The following TENM2 variants were observed in gnomAD, a reference collection of about 807,000 sequenced individuals.
TENM2 encodes the protein teneurin-2.
TENM2 carries 52 observed loss-of-function variants against 245.2 expected under a neutral mutation model. The observed-to-expected ratio is 0.21, with a 90% confidence interval of 0.17 to 0.27. The LOEUF is 0.27. TENM2 is among the 10% of genes least tolerant of loss of function. The pLI is 1.00. For missense variants in TENM2, 3,046 were observed against 3,666.8 expected (o/e 0.83, Z 4.37); for synonymous variants, 1,363 against 1,438.9 (o/e 0.95, Z 1.19).
chr5:168,262,621 G>A, exon 29 of TENM2: 1 of 1,593,116 alleles, frequency 6.3e-7, no homozygotes. Context: ...CCAAGGAGCA[G>A]CAGAAAGCCA....
intron 2 of TENM2, among the ~76,000 whole-genome samples, chr5:167,558,026 A>G (rs1773361099): frequency 6.6e-6 from 1 of 152,202 alleles, no homozygotes; most frequent in South Asian, 2.1e-4. Flanking sequence ...TTTGTTTTTA[A>G]GATAATTGCA....
intron 2 of TENM2, among the ~76,000 whole-genome samples, chr5:167,714,833 T>C (rs1175740839): frequency 2.6e-5 from 4 of 152,176 alleles, no homozygotes; most frequent in African/African-American, 9.6e-5. Context: ...AGCCCCACAC[T>C]GTAGCATTTC....
intron 2 of TENM2, among the ~76,000 whole-genome samples, chr5:167,868,731 C>A (rs115130184): frequency 0.015 from 1,271 of 84,638 alleles, 17 homozygotes; most frequent in African/African-American, 0.051. Context: ...TAGTGAGATT[C>A]TGTCTAAAAA....
chr5:167,659,506 C>T (rs1167959786), intron 2 of TENM2, among the ~76,000 whole-genome samples: 3 of 152,182 alleles, frequency 2.0e-5, no homozygotes, highest in Non-Finnish European at 2.9e-5. Context: ...TTCCTTTATA[C>T]ATTTATCCAC....
At chr5:167,493,852 GCAAA>G (rs1768606249) in intron 2 of TENM2, among the ~76,000 whole-genome samples, 1 of 151,996 alleles carries the variant, frequency 6.6e-6, no homozygotes, top group Non-Finnish European at 1.5e-5. Flanking sequence ...AAAAGGAATG[GCAAA>G]CAAACACATA....
At chr5:167,334,273 C>T (rs1482260519) in intron 1 of TENM2, among the ~76,000 whole-genome samples, 1 of 152,158 alleles carries the variant, frequency 6.6e-6, no homozygotes, top group Non-Finnish European at 1.5e-5. Flanking sequence ...GCCCCATAAT[C>T]TTAACCAAAC....
chr5:167,835,073 C>G (rs1768867231), intron 2 of TENM2, among the ~76,000 whole-genome samples: 2 of 152,192 alleles, frequency 1.3e-5, no homozygotes, highest in Admixed American at 1.3e-4. Context: ...TTGACCCTCT[C>G]TGAGCATGTA....
At chr5:168,204,296 C>A in intron 18 of TENM2, 76 bp from the exon 21 acceptor site, 1 of 1,485,528 alleles carries the variant, frequency 6.7e-7, no homozygotes, top group Admixed American at 1.9e-5. Flanking sequence ...GTCTCTTCCC[C>A]TCCCTCCCAG....
At chr5:168,199,795 G>T in intron 16 of TENM2, 69 bp from the exon 19 acceptor site, 1 of 1,519,350 alleles carries the variant, frequency 6.6e-7, no homozygotes, top group Non-Finnish European at 8.9e-7. Flanking sequence ...CAGACAGACA[G>T]TATCGGGGTT....
chr5:168,199,691 A>G (rs3797719), intron 16 of TENM2, among the ~76,000 whole-genome samples, 173 bp from the exon 19 acceptor site: 47,532 of 152,028 alleles, frequency 0.31, 9,372 homozygotes, highest in East Asian at 0.6. Context: ...CTATGGTGGA[A>G]GATAAAGTTT....
At chr5:168,021,577 C>A (rs140272325) in intron 5 of TENM2, among the ~76,000 whole-genome samples, 3 of 152,104 alleles carry the variant, frequency 2.0e-5, no homozygotes, top group Non-Finnish European at 4.4e-5. Context: ...ATTTATTCCA[C>A]GTTTTGGTTT....
chr5:167,222,213 A>G, the TENM2 span, among the ~76,000 whole-genome samples: 1 of 152,188 alleles, frequency 6.6e-6, no homozygotes, highest in Non-Finnish European at 1.5e-5. Flanking sequence ...ATCCCTCTGC[A>G]CAGATGATGG....
chr5:167,290,585 T>G (rs1176465474), intron 1 of TENM2, among the ~76,000 whole-genome samples: 1 of 152,178 alleles, frequency 6.6e-6, no homozygotes, highest in East Asian at 1.9e-4. Flanking sequence ...AACTCAGAAC[T>G]TTTTTCCAGC....
intron 1 of TENM2, among the ~76,000 whole-genome samples, chr5:167,318,874 G>T (rs1756541523): frequency 6.6e-6 from 1 of 152,128 alleles, no homozygotes; most frequent in Non-Finnish European, 1.5e-5. Flanking sequence ...TAAATTTTGT[G>T]AATTACATTT....
rs1393848100 is a variant in TENM2 at position 167,836,773 on chromosome 5, G to A, written c.503-39213G>A. On this transcript the variant is annotated intron_variant, in intron 2 of 28. Coordinates refer to ENST00000518659, the Ensembl canonical transcript of TENM2. ...TACATATTTATCTCAATATATGTGT[G>A]TATATACCCAACTCAGAAAAAAATG... Among the ~76,000 whole-genome samples, 3 of 147,980 alleles carry A rather than the reference G, an allele frequency of 2.0e-5. No individual in the cohort carries two copies. The South Asian group carries it at 6.8e-4, about 34-fold the overall frequency.
intron 3 of TENM2, among the ~76,000 whole-genome samples, chr5:167,900,447 CCT>C (rs1272963755): frequency 6.6e-6 from 1 of 152,124 alleles, no homozygotes; most frequent in East Asian, 1.9e-4. Context: ...GGCATGAGGA[CCT>C]CTCTGTTTGT....
intron 1 of TENM2, among the ~76,000 whole-genome samples, chr5:167,320,668 T>G (rs562752287): frequency 6.6e-6 from 1 of 152,260 alleles, no homozygotes; most frequent in East Asian, 1.9e-4. Flanking sequence ...CCTTTCATGC[T>G]CTCTTGCTCA....
At chr5:167,154,369 A>C in the TENM2 span, among the ~76,000 whole-genome samples, 1 of 152,334 alleles carries the variant, frequency 6.6e-6, no homozygotes, top group Admixed American at 6.5e-5. Context: ...TAGAATTGAC[A>C]ACACTTCTAC....
intron 4 of TENM2, among the ~76,000 whole-genome samples, chr5:167,955,396 A>T (rs990235196): frequency 6.6e-6 from 1 of 151,904 alleles, no homozygotes; most frequent in African/African-American, 2.4e-5. Context: ...GATGGCAAAA[A>T]TTTTCTCCCA....
Sources: gnomAD v4.1 joint callset for allele counts (sites outside exome capture counted in the v4.1 genomes callset) on GRCh38, gnomAD v4.1.1 for gene constraint, MANE v1.5 for transcripts, NCBI Gene and HGNC (gene_info 2026-07-23, HGNC 2026-07-21) for gene names.